Variants in GPR173 observed in about 807,000 individuals in gnomAD.
GPR173 encodes G protein-coupled receptor 173.
GPR173 carries 2 observed loss-of-function variants against 13.9 expected under a neutral mutation model. The ratio of observed to expected loss-of-function variants is 0.14; its 90% confidence interval spans 0.06 to 0.45. The LOEUF (loss-of-function observed/expected upper bound fraction) is 0.45, where lower values mean the gene tolerates loss of function less well. Ranked by LOEUF, GPR173 falls within the 20% of genes least tolerant of loss-of-function variation. GPR173 has a pLI of 0.98. For synonymous variants in GPR173, 131 were observed against 141.0 expected (o/e 0.93, Z 0.50); for missense variants, 202 against 340.5 (o/e 0.59, Z 3.20).
chrX:53,068,796 C>A (rs1556804495), intron 1 of GPR173, among the ~76,000 whole-genome samples: 3 of 67,614 alleles, frequency 4.4e-5, no homozygotes, highest in East Asian at 3.9e-4. Context: ...AAATATTTTT[C>A]ATAAATGAAG....
In GPR173 at chrX:53,077,303, C is replaced by A; in HGVS notation, c.682C>A (p.Gln228Lys). ...KPVQMVPAIS[Q>K]NWTFHGPGAT... ...AGTGCAGATGGTGCCAGCCATCAGC[C>A]AGAACTGGACATTCCATGGTCCCGG... Residue 228 changes from glutamine (Q) to lysine (K), a missense_variant, in exon 2 of 2, where the codon CAG (glutamine) becomes AAG (lysine). By Grantham distance (53) the Gln-to-Lys change is moderately conservative (BLOSUM62 1). Around this residue, in one of 3 missense-constraint regions of GPR173, gnomAD observed 28 missense variants for 87.0 expected, o/e 0.32. Coordinates refer to ENST00000332582, the MANE Select transcript of GPR173 (RefSeq NM_018969.6). 1 of 1,191,432 alleles carries A rather than the reference C, an allele frequency of 8.4e-7. No homozygotes were observed.
chrX:53,080,568 T>C lies in GPR173; in HGVS notation c.*2825T>C, dbSNP rs1328254731. On this transcript the variant is annotated 3_prime_UTR_variant, in exon 2 of 2. Transcript: ENST00000332582. ...TATATGTGTATCTGTGAAAAATGTA[T>C]GGTATTGCTGTGTGTTTTAATTTAC... The C allele has an allele frequency of 8.1e-6, 1 of 123,128 alleles. No individual in the cohort carries two copies. Among genetic ancestry groups the C allele is most frequent in the African/African-American group, 3.3e-5 (1 of 30,719 alleles). The allele number at this position is 123,128 out of a possible 1,213,427, so 10.1% of individuals were successfully genotyped here. A position where few individuals can be genotyped will look rare whatever the true frequency, so the allele number is the denominator to read the frequency against.
rs181741143 is a variant in GPR173 at position 53,071,194 on chromosome X, C to G, written c.-97-5331C>G. The G allele has an allele frequency of 2.7e-5, 3 of 112,177 alleles. No individual in the cohort carries two copies. In the East Asian group the frequency reaches 8.4e-4, roughly 31 times the overall value. The allele number at this position is 112,177 out of a possible 1,213,427, so 9.2% of individuals were successfully genotyped here. On this transcript the variant is annotated intron_variant, in intron 1 of 1. Coordinates refer to ENST00000332582, the MANE Select transcript of GPR173 (RefSeq NM_018969.6). ...TTCTCCATGTTGGTCAGGCTGGTCT[C>G]GAACTCCGTGCCTCAGGTGATCCGC...
intron 1 of GPR173, among the ~76,000 whole-genome samples, chrX:53,073,425 C>G (rs1294555343): frequency 9.1e-6 from 1 of 110,494 alleles, no homozygotes; most frequent in South Asian, 3.8e-4. Flanking sequence ...ACTGCCTTCC[C>G]TCTGGGACCT....
At chrX:53,073,135 G>A (rs1013325137) in intron 1 of GPR173, among the ~76,000 whole-genome samples, 2 of 107,945 alleles carry the variant, frequency 1.9e-5, no homozygotes, top group South Asian at 8.4e-4. Context: ...TGAGGCACAA[G>A]AATCACTTGA....
At position 53,079,935 on chromosome X, in the gene GPR173, G is replaced by C. The variant is rs1158362515; in HGVS notation, c.*2192G>C. 2 of 122,683 alleles carry C rather than the reference G, an allele frequency of 1.6e-5. No homozygotes were observed. Among genetic ancestry groups the C allele is most frequent in the Non-Finnish European group, 3.8e-5 (2 of 53,073 alleles). 10.1% of individuals were successfully genotyped at this position (122,683 alleles called of 1,213,427 possible). ...ATGGGCCTCCCTTGGCCCAGGCCCT[G>C]AGCACGGGAGGGCTGGGGCCGCCAG... On this transcript the variant is annotated 3_prime_UTR_variant, in exon 2 of 2. Transcript: ENST00000332582.
intron 1 of GPR173, among the ~76,000 whole-genome samples, chrX:53,052,602 CGTGT>C (rs781878545): frequency 0.052 from 5,230 of 100,368 alleles, 289 homozygotes; most frequent in African/African-American, 0.16. Context: ...CACACACACA[CGTGT>C]GTGTGTGTGT....
At chrX:53,074,334 AT>A (rs1932370142) in intron 1 of GPR173, among the ~76,000 whole-genome samples, 1 of 39,448 alleles carries the variant, frequency 2.5e-5, no homozygotes, top group Non-Finnish European at 4.4e-5. Context: ...ATATAAATGT[AT>A]ATTTATATAT....
intron 1 of GPR173, among the ~76,000 whole-genome samples, chrX:53,072,680 C>G (rs1219429477): frequency 3.6e-5 from 4 of 110,837 alleles, no homozygotes; most frequent in African/African-American, 1.3e-4. Context: ...CTGTCTGTCT[C>G]TATCCCTTTC....
intron 1 of GPR173, among the ~76,000 whole-genome samples, chrX:53,054,606 T>A (rs1932008174): frequency 9.3e-6 from 1 of 106,989 alleles, no homozygotes; most frequent in African/African-American, 3.4e-5. Flanking sequence ...GGGGTGAGTG[T>A]GGTTGTATGT....
rs181118611 is a variant in GPR173 at position 53,066,798 on chromosome X, C to G, written c.-97-9727C>G. On this transcript the variant is annotated intron_variant, in intron 1 of 1. Transcript: ENST00000332582. ...GTTTAAAACAACACGGAAGGGTGTA[C>G]TGATCCCAGTTCCTTACAGAAAGCT... Among the ~76,000 whole-genome samples the G allele has an allele frequency of 4.5e-5, 5 of 111,283 alleles. No homozygotes were observed. The East Asian group carries it at 1.4e-3, about 31-fold the overall frequency.
chrX:53,078,012 C>G lies in GPR173; in HGVS notation c.*269C>G, dbSNP rs1932467838. 2 of 330,552 alleles carry G rather than the reference C, an allele frequency of 6.1e-6. No individual in the cohort carries two copies. The highest frequency in any genetic ancestry group is 5.5e-5 in the Admixed American group (1 of 18,218). The allele number at this position is 330,552 out of a possible 1,213,427, so 27.2% of individuals were successfully genotyped here. ...CTACAATCTCATTCTCTCTCTCTCTCTCTCTGTCTCTCTCTCTCTCTCTCT... is the reference window on the plus strand; with the variant it reads ...CTACAATCTCATTCTCTCTCTCTCTGTCTCTGTCTCTCTCTCTCTCTCTCT... On this transcript the variant is annotated 3_prime_UTR_variant, in exon 2 of 2. Coordinates refer to ENST00000332582, the MANE Select transcript of GPR173 (RefSeq NM_018969.6).
intron 1 of GPR173, among the ~76,000 whole-genome samples, chrX:53,056,759 C>G (rs1556803242): frequency 9.0e-6 from 1 of 110,833 alleles, no homozygotes; most frequent in African/African-American, 3.3e-5. Flanking sequence ...GTATATATTT[C>G]CCGGGGCATA....
rs1932478654 is a variant in GPR173, at chrX:53,078,539, C to T, written c.*796C>T. ...GCTGAACTCCTCGAACTGAAGAGACCCACACTTGGTCACATTCTCTCACGC... is the reference window on the plus strand; with the variant it reads ...GCTGAACTCCTCGAACTGAAGAGACTCACACTTGGTCACATTCTCTCACGC... On this transcript the variant is annotated 3_prime_UTR_variant, in exon 2 of 2. Transcript: ENST00000332582. 8.2e-6 allele frequency: 1 copy of T among 122,149 alleles called. No homozygotes were observed. Among genetic ancestry groups the T allele is most frequent in the African/African-American group, 3.3e-5 (1 of 30,392 alleles). 10.1% of individuals were successfully genotyped at this position (122,149 alleles called of 1,213,427 possible).
rs782371236 is a variant in GPR173 at position 53,063,840 on chromosome X, C to T, written c.-97-12685C>T. ...CCAATACCTTATTTCTCATTTCCAT[C>T]GGAGACCTCATCAAAATGGCCTTTA... is the stretch of plus-strand genomic sequence containing the variant. On this transcript the variant is annotated intron_variant, in intron 1 of 1. Coordinates refer to ENST00000332582, the MANE Select transcript of GPR173 (RefSeq NM_018969.6). Among the ~76,000 whole-genome samples, 134 of 111,472 alleles carry T rather than the reference C, an allele frequency of 1.2e-3. 3 individuals carry two copies. The Middle Eastern group carries it at 0.032, about 27-fold the overall frequency.
rs782279965 is a variant in GPR173 at position 53,077,998 on chromosome X, T to TTCTC, written c.*271_*274dup. 6.0e-5 allele frequency: 18 copies of TTCTC among 298,160 alleles called. No homozygotes were observed. Among genetic ancestry groups the TTCTC allele is most frequent in the Non-Finnish European group, 6.5e-5 (11 of 169,297 alleles). 24.6% of individuals were successfully genotyped at this position (298,160 alleles called of 1,213,427 possible). The stretch of plus-strand genomic sequence containing the variant: ...CTCCTTCTCCACTTCTACAATCTCA[T>TTCTC]TCTCTCTCTCTCTCTCTCTGTCTCT... On this transcript the variant is annotated 3_prime_UTR_variant, in exon 2 of 2. Transcript: ENST00000332582.
At chrX:53,073,409 T>G (rs1932293466) in intron 1 of GPR173, among the ~76,000 whole-genome samples, 3 of 110,233 alleles carry the variant, frequency 2.7e-5, no homozygotes, top group African/African-American at 9.9e-5. Context: ...TCTGCCCAAT[T>G]GCCTCACTGC....
At chrX:53,062,757 G>A (rs1932146794) in intron 1 of GPR173, among the ~76,000 whole-genome samples, 1 of 107,935 alleles carries the variant, frequency 9.3e-6, no homozygotes, top group Non-Finnish European at 1.9e-5. Context: ...TGCCCAGGCT[G>A]GTCTTGAACT....
At chrX:53,064,497 G>C (rs1356848982) in intron 1 of GPR173, among the ~76,000 whole-genome samples, 1 of 110,218 alleles carries the variant, frequency 9.1e-6, no homozygotes, top group Admixed American at 9.7e-5. Flanking sequence ...ACTTGAAACC[G>C]GGAGGCAGAG....
Sources: allele counts gnomAD v4.1 joint callset (sites outside exome capture counted in the v4.1 genomes callset), GRCh38; gene constraint gnomAD v4.1.1; regional missense constraint gnomAD v4.1.1; transcripts MANE v1.5; gene names NCBI Gene and HGNC (gene_info 2026-07-23, HGNC 2026-07-21).